The following THEMIS variants were observed in gnomAD, a reference collection of about 807,000 sequenced individuals.
THEMIS encodes the protein protein THEMIS.
In THEMIS, 37 loss-of-function variants were observed where a neutral mutation model predicts 52.6. The ratio of observed to expected loss-of-function variants is 0.70; its 90% CI spans 0.54 to 0.93. The LOEUF is 0.93. THEMIS is among the 40% of genes least tolerant of loss of function. THEMIS has a pLI of 0.00. For missense variants in THEMIS, 808 were observed against 763.1 expected, an observed-to-expected ratio of 1.06 and a Z score of -0.69; for synonymous variants, 292 against 272.7, an observed-to-expected ratio of 1.07 and a Z score of -0.70.
chr6:127,854,356 A>C (rs270031), intron 2 of THEMIS, among the ~76,000 whole-genome samples: 86,676 of 151,634 alleles, frequency 0.57, 25,902 homozygotes, highest in East Asian at 0.83. Context: ...AAGATTTACT[A>C]TTTGGCTCTT....
chr6:127,707,306 G>C (rs1773824003), downstream of THEMIS, among the ~76,000 whole-genome samples: 1 of 152,108 alleles, frequency 6.6e-6, no homozygotes, highest in Non-Finnish European at 1.5e-5. Context: ...AAACGAATAG[G>C]AAGAGTACAG....
At chr6:127,746,960 A>C (rs1484010673) in intron 4 of THEMIS, among the ~76,000 whole-genome samples, 99 of 84,552 alleles carry the variant, frequency 1.2e-3, no homozygotes, top group African/African-American at 4.8e-3. Flanking sequence ...TTATATATAG[A>C]TATCTATAAT....
At chr6:127,899,921 ATAT>A (rs748117524) in intron 1 of THEMIS, among the ~76,000 whole-genome samples, 24 of 144,208 alleles carry the variant, frequency 1.7e-4, no homozygotes, top group Non-Finnish European at 3.4e-4. Context: ...ATATATATAT[ATAT>A]AATATATATA....
At chr6:127,770,857 A>T (rs964651693) in intron 4 of THEMIS, among the ~76,000 whole-genome samples, 1 of 152,212 alleles carries the variant, frequency 6.6e-6, no homozygotes, top group East Asian at 1.9e-4. Flanking sequence ...GTTTTCCCAG[A>T]ACCATTTATT....
intron 1 of THEMIS, among the ~76,000 whole-genome samples, chr6:127,909,423 G>C (rs957931861): frequency 6.6e-6 from 1 of 152,048 alleles, no homozygotes; most frequent in Non-Finnish European, 1.5e-5. Context: ...AGATCTGATG[G>C]TTTTATAAGG....
At chr6:127,728,384 G>A (rs1774627485) in intron 4 of THEMIS, among the ~76,000 whole-genome samples, 1 of 152,122 alleles carries the variant, frequency 6.6e-6, no homozygotes, top group South Asian at 2.1e-4. Flanking sequence ...GAAAGCAAAA[G>A]CCTCTTGTCC....
intron 4 of THEMIS, among the ~76,000 whole-genome samples, chr6:127,734,489 G>A (rs1296412024): frequency 1.3e-5 from 2 of 152,102 alleles, no homozygotes; most frequent in Non-Finnish European, 2.9e-5. Context: ...CTTGCTTTTT[G>A]TGTATTCTTG....
chr6:127,813,169 A>C lies in THEMIS; in HGVS notation c.1472T>G (p.Leu491Arg), dbSNP rs139859697. 37 of 1,614,026 alleles carry C rather than the reference A, an allele frequency of 2.3e-5. No individual in the cohort carries two copies. Among genetic ancestry groups the C allele is most frequent in the Non-Finnish European group, 3.1e-5 (37 of 1,179,970 alleles). Residue 491 changes from leucine to arginine, a missense_variant, in exon 4 of 6, where the codon CTC becomes CGC. Coordinates refer to ENST00000368248, the MANE Select transcript of THEMIS (RefSeq NM_001010923.3). ...LEEDITDSYL[L>R]ISDFANPTEC... The stretch of plus-strand genomic sequence containing the variant: ...CGTGGGGTTGGCAAAGTCACTTATG[A>C]GTAGGTAAGAGTCTGTAATGTCCTC...
upstream of THEMIS, among the ~76,000 whole-genome samples, chr6:127,902,508 G>A (rs1781168640): frequency 1.3e-5 from 2 of 151,874 alleles, no homozygotes; most frequent in Admixed American, 6.6e-5. Context: ...TTCTACCATG[G>A]CCATCATGTA....
chr6:127,842,809 TC>T (rs1175814266), intron 2 of THEMIS, among the ~76,000 whole-genome samples: 2 of 151,920 alleles, frequency 1.3e-5, no homozygotes, highest in Non-Finnish European at 2.9e-5. Context: ...AGCTCAGGGT[TC>T]CCCAATTATG....
chr6:127,908,457 T>A (rs1464271522), intron 1 of THEMIS, among the ~76,000 whole-genome samples: 1 of 152,028 alleles, frequency 6.6e-6, no homozygotes, highest in East Asian at 1.9e-4. Flanking sequence ...CTCAACTGAG[T>A]CGATCTGCGT....
chr6:127,846,601 C>A (rs918699108), intron 2 of THEMIS, among the ~76,000 whole-genome samples: 6 of 151,736 alleles, frequency 4.0e-5, no homozygotes, highest in Admixed American at 6.6e-5. Context: ...GAAATGGAAA[C>A]CATGAGCAGA....
intron 1 of THEMIS, among the ~76,000 whole-genome samples, chr6:127,897,392 C>A (rs1780999842): frequency 6.6e-6 from 1 of 151,028 alleles, no homozygotes; most frequent in African/African-American, 2.4e-5. Flanking sequence ...AGAAAATTGA[C>A]AAAGAGTAAA....
At chr6:127,805,102 T>C (rs530233352) in intron 4 of THEMIS, among the ~76,000 whole-genome samples, 1 of 152,258 alleles carries the variant, frequency 6.6e-6, no homozygotes, top group South Asian at 2.1e-4. Flanking sequence ...CTTGTTTGTC[T>C]AATTTTGTAG....
intron 3 of THEMIS, among the ~76,000 whole-genome samples, chr6:127,827,325 C>G (rs982120570): frequency 6.6e-6 from 1 of 152,144 alleles, no homozygotes; most frequent in Non-Finnish European, 1.5e-5. Flanking sequence ...AAGGAATATT[C>G]TGCAGTCAAT....
At chr6:127,868,196 A>T (rs943978284) in intron 1 of THEMIS, among the ~76,000 whole-genome samples, 1 of 152,150 alleles carries the variant, frequency 6.6e-6, no homozygotes, top group Non-Finnish European at 1.5e-5. Context: ...CGCCCCTGGC[A>T]TCTATTTAGG....
intron 1 of THEMIS, among the ~76,000 whole-genome samples, chr6:127,900,247 T>C (rs1781097212): frequency 6.6e-6 from 1 of 151,998 alleles, no homozygotes; most frequent in Non-Finnish European, 1.5e-5. Context: ...ATCTTATTAT[T>C]CAATAAGTTT....
downstream of THEMIS, among the ~76,000 whole-genome samples, chr6:127,703,659 A>T (rs1773760477): frequency 6.6e-6 from 1 of 152,214 alleles, no homozygotes; most frequent in African/African-American, 2.4e-5. Context: ...CTCATTCTTT[A>T]TTAACACTTT....
intron 2 of THEMIS, among the ~76,000 whole-genome samples, chr6:127,852,778 C>A (rs1303841095): frequency 2.6e-5 from 4 of 151,516 alleles, no homozygotes; most frequent in Non-Finnish European, 5.9e-5. Flanking sequence ...TATCTGGGAT[C>A]CCTTTCATCA....
Sources: allele counts gnomAD v4.1 joint callset (sites outside exome capture counted in the v4.1 genomes callset), GRCh38; gene constraint gnomAD v4.1.1; transcripts MANE v1.5; gene names NCBI Gene and HGNC (gene_info 2026-07-23, HGNC 2026-07-21).